Variants in SNX24 observed in about 807,000 individuals in gnomAD.
SNX24 encodes the protein sorting nexin-24.
A neutral mutation model predicts 28.7 loss-of-function variants in SNX24; 22 were observed. The observed-to-expected ratio is 0.77, with a 90% CI of 0.55 to 1.10. SNX24 has a LOEUF of 1.10. Ranked by LOEUF, SNX24 falls within the 50% of genes least tolerant of loss-of-function variation. The pLI, the probability that SNX24 is intolerant of heterozygous loss-of-function variation, is 0.00. For synonymous variants in SNX24, 69 were observed against 71.5 expected, an observed-to-expected ratio of 0.96 and a Z score of 0.18; for missense variants, 221 against 201.1, an observed-to-expected ratio of 1.10 and a Z score of -0.60.
At chr5:123,015,005 C>T (rs1313903657) in intron 5 of SNX24, among the ~76,000 whole-genome samples, 1 of 152,212 alleles carries the variant, frequency 6.6e-6, no homozygotes, top group African/African-American at 2.4e-5. Flanking sequence ...AAGTAGCACC[C>T]TAGGCCCCAC....
At chr5:122,858,447 G>A (rs534502143) in intron 1 of SNX24, among the ~76,000 whole-genome samples, 1 of 152,326 alleles carries the variant, frequency 6.6e-6, no homozygotes, top group East Asian at 1.9e-4. Context: ...GCCTGTATCT[G>A]AATTGTTCTC....
intron 1 of SNX24, among the ~76,000 whole-genome samples, chr5:122,851,171 T>G (rs1754901187): frequency 6.6e-6 from 1 of 152,200 alleles, no homozygotes; most frequent in African/African-American, 2.4e-5. Flanking sequence ...TTGGTTTTGT[T>G]TTTGATTTTT....
intron 3 of SNX24, among the ~76,000 whole-genome samples, chr5:122,994,500 G>A (rs933758020): frequency 6.6e-6 from 1 of 152,096 alleles, no homozygotes; most frequent in East Asian, 1.9e-4. Context: ...TAAGTATTTG[G>A]GATGTCACAG....
chr5:122,863,050 CA>C (rs1259731271), intron 1 of SNX24, among the ~76,000 whole-genome samples: 13 of 152,040 alleles, frequency 8.6e-5, no homozygotes, highest in Non-Finnish European at 1.9e-4. Context: ...CAGTAATGAA[CA>C]AAACAATCAA....
At chr5:122,856,586 G>C (rs960314563) in intron 1 of SNX24, among the ~76,000 whole-genome samples, 1 of 143,884 alleles carries the variant, frequency 7.0e-6, no homozygotes, top group East Asian at 2.1e-4. Context: ...TGCCATCTCC[G>C]CTTACTGCAA....
chr5:122,960,782 ATCACAAACTACTACATTTCAAAAGAC>A (rs932266323), intron 3 of SNX24, among the ~76,000 whole-genome samples: 2 of 152,170 alleles, frequency 1.3e-5, no homozygotes, highest in Non-Finnish European at 2.9e-5. Context: ...TCTCATCAAA[ATCACAAACTACTACATTTCAAAAGAC>A]TCACAAACTA....
chr5:122,948,085 GTC>G (rs1224209029), intron 3 of SNX24, among the ~76,000 whole-genome samples: 13 of 152,274 alleles, frequency 8.5e-5, no homozygotes, highest in African/African-American at 3.1e-4. Context: ...TCAATTTGTT[GTC>G]ACTTAATTCC....
intron 1 of SNX24, among the ~76,000 whole-genome samples, chr5:122,871,181 T>C (rs1289687955): frequency 2.6e-5 from 4 of 152,276 alleles, no homozygotes; most frequent in South Asian, 4.1e-4. Context: ...GTTCAGTAGT[T>C]CTCAGGGAAC....
intron 3 of SNX24, among the ~76,000 whole-genome samples, chr5:122,961,214 A>G (rs1159513109): frequency 6.6e-6 from 1 of 152,208 alleles, no homozygotes; most frequent in African/African-American, 2.4e-5. Context: ...CATGCTGTCT[A>G]TCCTTATTGC....
intron 3 of SNX24, among the ~76,000 whole-genome samples, chr5:122,982,279 T>G (rs1761426062): frequency 1.3e-5 from 2 of 152,230 alleles, no homozygotes; most frequent in Admixed American, 6.5e-5. Flanking sequence ...TGCTATTTAT[T>G]CAGCCTCTGT....
chr5:122,870,592 T>C (rs753475249), intron 1 of SNX24, among the ~76,000 whole-genome samples: 3 of 152,162 alleles, frequency 2.0e-5, no homozygotes, highest in Non-Finnish European at 4.4e-5. Flanking sequence ...GAAGTGGAGA[T>C]AATAAAATGG....
At chr5:122,923,065 C>G (rs1581753133) in intron 1 of SNX24, among the ~76,000 whole-genome samples, 2 of 152,090 alleles carry the variant, frequency 1.3e-5, no homozygotes, top group African/African-American at 4.8e-5. Flanking sequence ...CATCATAGCT[C>G]AGTACCTGTA....
Position 123,008,937 on chromosome 5 carries a change from C to T in SNX24, c.*1188C>T, listed in dbSNP as rs1039350084. 8.1e-6 allele frequency: 8 copies of T among 984,970 alleles called. No homozygotes were observed. The highest frequency in any genetic ancestry group is 6.1e-5 in the Admixed American group (1 of 16,264). The allele number at this position is 984,970 out of a possible 1,614,324, so 61.0% of individuals were successfully genotyped here. A position where few individuals can be genotyped will look rare whatever the true frequency, so the allele number is the denominator to read the frequency against. On this transcript the variant is annotated 3_prime_UTR_variant, in exon 7 of 7. Transcript: ENST00000261369. ...AATAGCTAGCCTATTTATGGTTATT[C>T]GTTTTAGTAAGTTCTGTGGGAGCAA...
chr5:123,007,767 A>T lies in SNX24; in HGVS notation c.*18A>T, dbSNP rs771753040. On this transcript the variant is annotated 3_prime_UTR_variant, in exon 7 of 7. Coordinates refer to ENST00000261369, the MANE Select transcript of SNX24 (RefSeq NM_014035.4). ...CCAGGTAGAAATCCTACATGGCTAA[A>T]AGAAGCAGAAGCAAGTTTCGAAGTC... 2.6e-5 allele frequency: 41 copies of T among 1,588,256 alleles called. No homozygotes were observed. The highest frequency in any genetic ancestry group is 3.4e-5 in the Non-Finnish European group (40 of 1,173,668).
intron 1 of SNX24, among the ~76,000 whole-genome samples, chr5:122,877,828 T>C (rs1400139300): frequency 6.6e-6 from 1 of 152,162 alleles, no homozygotes; most frequent in Non-Finnish European, 1.5e-5. Context: ...TGGTGGAGTC[T>C]TCAAGCCAAT....
intron 3 of SNX24, among the ~76,000 whole-genome samples, chr5:122,955,076 T>TC (rs1284327180): frequency 2.0e-5 from 3 of 152,014 alleles, no homozygotes; most frequent in Admixed American, 1.3e-4. Flanking sequence ...TTTTTTTTTT[T>TC]CTCCATGGTC....
chr5:122,964,994 G>GT (rs930536906), intron 3 of SNX24, among the ~76,000 whole-genome samples: 17 of 152,056 alleles, frequency 1.1e-4, no homozygotes, highest in African/African-American at 3.6e-4. Flanking sequence ...GGAGGTGTTG[G>GT]TTTTTTTGTT....
chr5:122,903,279 C>T (rs34955600), intron 1 of SNX24, among the ~76,000 whole-genome samples: 4,546 of 152,062 alleles, frequency 0.03, 80 homozygotes, highest in Non-Finnish European at 0.037. Flanking sequence ...GGCTAATATT[C>T]GTATTTTTTT....
At chr5:122,974,290 G>A (rs1761075305) in intron 3 of SNX24, among the ~76,000 whole-genome samples, 1 of 152,162 alleles carries the variant, frequency 6.6e-6, no homozygotes, top group African/African-American at 2.4e-5. Context: ...AGTCCAGTGT[G>A]CTTGCTACTG....
Sources: allele counts gnomAD v4.1 joint callset (sites outside exome capture counted in the v4.1 genomes callset), GRCh38; gene constraint gnomAD v4.1.1; transcripts MANE v1.5; gene names NCBI Gene and HGNC (gene_info 2026-07-23, HGNC 2026-07-21).